The following DNAH7 variants were observed in gnomAD, a reference collection of about 807,000 sequenced individuals.
DNAH7 encodes axonemal beta dynein heavy chain 7.
Under a neutral mutation model 444.6 loss-of-function variants are expected in DNAH7, and 397 were observed. The ratio of observed to expected loss-of-function variants is 0.89; its 90% CI spans 0.82 to 0.97. DNAH7 has a LOEUF of 0.97. DNAH7 is among the 50% of genes least tolerant of loss of function. The pLI, the probability that DNAH7 is intolerant of heterozygous loss-of-function variation, is 0.00. For synonymous variants in DNAH7, 1,636 were observed against 1,624.4 expected, an observed-to-expected ratio of 1.01 and a Z score of -0.17; for missense variants, 4,902 against 4,800.8, an observed-to-expected ratio of 1.02 and a Z score of -0.62.
Position 195,910,097 on chromosome 2 carries a change from A to G in DNAH7, c.4034T>C (p.Val1345Ala). Reference sequence around the variant, plus strand: ...GTTGAAAACAACACATTGTTTGGCTACAGCTTTTGCCAAATCCTTGGTAGT... The same window carrying G: ...GTTGAAAACAACACATTGTTTGGCTGCAGCTTTTGCCAAATCCTTGGTAGT... Reference protein sequence around the residue: ...TETTKDLAKAVAKQCVVFNCS... With the variant: ...TETTKDLAKAAAKQCVVFNCS... The change falls in exon 25 of 65, where the codon GTA (valine) becomes GCA (alanine). Residue 1345 changes from valine (V) to alanine (A), a missense_variant. Transcript: ENST00000312428. 2 of 1,613,988 alleles carry G rather than the reference A, an allele frequency of 1.2e-6. No homozygotes were observed. Among genetic ancestry groups the G allele is most frequent in the Non-Finnish European group, 1.7e-6 (2 of 1,179,892 alleles).
chr2:195,918,077 T>C (rs1687797443), intron 24 of DNAH7, among the ~76,000 whole-genome samples: 1 of 152,094 alleles, frequency 6.6e-6, no homozygotes, highest in African/African-American at 2.4e-5. Context: ...AAAGAACACT[T>C]AAAACTTAAC....
At chr2:195,975,561 G>A (rs1403360546) in intron 15 of DNAH7, among the ~76,000 whole-genome samples, 1 of 152,070 alleles carries the variant, frequency 6.6e-6, no homozygotes, top group African/African-American at 2.4e-5. Flanking sequence ...TGGGCTTGAG[G>A]TGCACATGAC....
chr2:195,869,494 G>A (rs1700551041), intron 40 of DNAH7, among the ~76,000 whole-genome samples: 3 of 152,116 alleles, frequency 2.0e-5, no homozygotes, highest in Admixed American at 1.3e-4. Context: ...CAACATGTTG[G>A]ACGTTGGAAA....
At chr2:195,854,110 A>T (rs1699558758) in intron 45 of DNAH7, among the ~76,000 whole-genome samples, 1 of 152,210 alleles carries the variant, frequency 6.6e-6, no homozygotes, top group African/African-American at 2.4e-5. Context: ...ATTATATGTA[A>T]TTAAGCAATA....
chr2:195,786,192 G>A (rs1695614401), intron 58 of DNAH7, among the ~76,000 whole-genome samples: 1 of 152,076 alleles, frequency 6.6e-6, no homozygotes, highest in Non-Finnish European at 1.5e-5. Flanking sequence ...CTTCCTGTTT[G>A]TAAGCCTCTT....
chr2:195,949,329 G>GC (rs1171028874), intron 19 of DNAH7, among the ~76,000 whole-genome samples: 1 of 151,948 alleles, frequency 6.6e-6, no homozygotes, highest in Admixed American at 6.6e-5. Context: ...CATTGTCCTG[G>GC]CTGGAGTGCA....
At chr2:195,874,604 A>G (rs995802028) in intron 38 of DNAH7, among the ~76,000 whole-genome samples, 10 of 151,758 alleles carry the variant, frequency 6.6e-5, no homozygotes, top group African/African-American at 2.2e-4. Context: ...TTTATTTAAA[A>G]AAAAAAAAAA....
chr2:195,811,795 G>A (rs983579120), intron 51 of DNAH7, among the ~76,000 whole-genome samples: 3 of 152,164 alleles, frequency 2.0e-5, no homozygotes, highest in South Asian at 2.1e-4. Flanking sequence ...AACTGTGTGC[G>A]TAATTATCAA....
chr2:195,913,422 T>C (rs1687476460), intron 24 of DNAH7, among the ~76,000 whole-genome samples: 1 of 152,008 alleles, frequency 6.6e-6, no homozygotes, highest in African/African-American at 2.4e-5. Context: ...CCGTATCAAA[T>C]GAGATAAATG....
chr2:195,744,495 G>C (rs2105885017), intron 63 of DNAH7, among the ~76,000 whole-genome samples: 1 of 152,308 alleles, frequency 6.6e-6, no homozygotes, highest in Non-Finnish European at 1.5e-5. Context: ...GCTTTGAGGA[G>C]AGCAGTGGTT....
chr2:195,846,947 A>ATGTGTGTGTGTGTGTGTGTGTGTG (rs1315064692), intron 46 of DNAH7, among the ~76,000 whole-genome samples: 2 of 108,872 alleles, frequency 1.8e-5, no homozygotes, highest in African/African-American at 1.1e-4. Flanking sequence ...AAACTCCCAT[A>ATGTGTGTGTGTGTGTGTGTGTGTG]TATGTGTGTG....
chr2:195,904,741 C>A (rs2125281410), intron 27 of DNAH7: 1 of 152,236 alleles, frequency 6.6e-6, no homozygotes, highest in South Asian at 2.1e-4. Context: ...GTCAGTACAG[C>A]AGGGATTGTA....
At chr2:195,750,625 G>T (rs760592839) in intron 63 of DNAH7, among the ~76,000 whole-genome samples, 8 of 152,194 alleles carry the variant, frequency 5.3e-5, no homozygotes, top group Non-Finnish European at 1.0e-4. Context: ...CAGATGGCCT[G>T]GGTCTGAATC....
At chr2:196,011,536 G>A (rs1338576569) in intron 10 of DNAH7, among the ~76,000 whole-genome samples, 1 of 152,090 alleles carries the variant, frequency 6.6e-6, no homozygotes, top group Non-Finnish European at 1.5e-5. Flanking sequence ...ACCACACACT[G>A]TGAGTAAAAA....
intron 17 of DNAH7, among the ~76,000 whole-genome samples, chr2:195,962,528 T>C (rs1401996214): frequency 6.6e-6 from 1 of 152,120 alleles, no homozygotes; most frequent in African/African-American, 2.4e-5. Context: ...TTTTGTAATT[T>C]TAGTGGAGAT....
chr2:195,871,449 C>T (rs545322270), intron 40 of DNAH7, among the ~76,000 whole-genome samples: 1 of 152,280 alleles, frequency 6.6e-6, no homozygotes, highest in Admixed American at 6.5e-5. Context: ...CAGGCATGAG[C>T]CTCCTCTACC....
intron 5 of DNAH7, among the ~76,000 whole-genome samples, chr2:196,041,768 C>T (rs1696776669): frequency 6.6e-6 from 1 of 151,896 alleles, no homozygotes; most frequent in Non-Finnish European, 1.5e-5. Flanking sequence ...AGAAAACCCA[C>T]AGAATGGGAG....
In DNAH7 at chr2:195,865,080, A is replaced by G. The variant is rs141497500; in HGVS notation, c.6634-59T>C. ...TTCTTCTGATTTTTAAGAAAGTGTTATTATATCTGTGCTAATCTCAGGTAA... is the reference window on the plus strand; with the variant it reads ...TTCTTCTGATTTTTAAGAAAGTGTTGTTATATCTGTGCTAATCTCAGGTAA... On this transcript the variant is annotated intron_variant, in intron 40 of 64. Transcript: ENST00000312428. The G allele has an allele frequency of 1.1e-3, 1,585 of 1,485,192 alleles. 60 individuals are homozygous for G. The East Asian group carries it at 0.026, about 24-fold the overall frequency. The allele number at this position is 1,485,192 out of a possible 1,614,324, so 92.0% of individuals were successfully genotyped here.
chr2:195,753,577 T>A (rs1307223415), intron 63 of DNAH7, among the ~76,000 whole-genome samples: 1 of 152,204 alleles, frequency 6.6e-6, no homozygotes, highest in Non-Finnish European at 1.5e-5. Context: ...AAGGAAGTTG[T>A]CTTCAACACA....
Sources: gnomAD v4.1 joint callset for allele counts (sites outside exome capture counted in the v4.1 genomes callset) on GRCh38, gnomAD v4.1.1 for gene constraint, MANE v1.5 for transcripts, NCBI Gene and HGNC (gene_info 2026-07-23, HGNC 2026-07-21) for gene names.